APOO: variants seen among roughly 807,000 people sequenced by gnomAD.
APOO encodes the protein MICOS complex subunit MIC26.
APOO carries 11 observed loss-of-function variants against 23.1 expected under a neutral mutation model. The observed-to-expected ratio is 0.48, with a 90% CI of 0.30 to 0.79. APOO has a LOEUF of 0.79. Among genes scored for constraint, APOO ranks in the 30% least tolerant of loss-of-function variants. The pLI is 0.07. For missense variants in APOO, 160 were observed against 142.7 expected (o/e 1.12, Z -0.62); for synonymous variants, 59 against 54.8 (o/e 1.08, Z -0.34).
chrX:23,865,282 A>C (rs968327474), intron 5 of APOO, among the ~76,000 whole-genome samples: 1 of 111,249 alleles, frequency 9.0e-6, no homozygotes, highest in Admixed American at 9.7e-5. Context: ...CAACAACTGA[A>C]GCAGACTACC....
intron 5 of APOO, among the ~76,000 whole-genome samples, chrX:23,863,068 T>TAA (rs1265648639): frequency 1.8e-4 from 20 of 112,322 alleles, no homozygotes; most frequent in African/African-American, 6.1e-4. Context: ...GCATGGTGGC[T>TAA]CATGCCTGTA....
chrX:23,887,527 C>T (rs1041105270), intron 1 of APOO, among the ~76,000 whole-genome samples: 5 of 110,234 alleles, frequency 4.5e-5, no homozygotes, highest in African/African-American at 9.9e-5. Context: ...CCACTGTGCC[C>T]GGCCTCCCCC....
intron 1 of APOO, chrX:23,883,908 C>T (rs1926254954): frequency 8.9e-6 from 1 of 112,108 alleles, no homozygotes; most frequent in African/African-American, 3.2e-5. Flanking sequence ...AGGGAAATTC[C>T]CCTTGTTTCA....
chrX:23,859,145 C>A (rs1226182054), intron 5 of APOO, among the ~76,000 whole-genome samples: 1 of 111,476 alleles, frequency 9.0e-6, no homozygotes, highest in Non-Finnish European at 1.9e-5. Context: ...AACCCCACCA[C>A]TGAATAAGAT....
chrX:23,841,664 T>C (rs945018649), intron 7 of APOO, among the ~76,000 whole-genome samples: 1 of 109,132 alleles, frequency 9.2e-6, no homozygotes, highest in Non-Finnish European at 1.9e-5. Flanking sequence ...GCTACAGGAC[T>C]GAGAATCTGT....
intron 1 of APOO, among the ~76,000 whole-genome samples, chrX:23,892,382 G>C (rs760015745): frequency 1.5e-3 from 164 of 109,828 alleles, no homozygotes; most frequent in African/African-American, 4.9e-3. Context: ...AGCCTCCCAA[G>C]TAGCTGGCAT....
chrX:23,877,411 T>C (rs778087585), intron 3 of APOO, among the ~76,000 whole-genome samples: 9 of 112,361 alleles, frequency 8.0e-5, no homozygotes, highest in Admixed American at 7.6e-4. Flanking sequence ...TCTTTCTAAA[T>C]TGGTGAACAA....
At chrX:23,852,373 C>T (rs1924579533) in intron 7 of APOO, among the ~76,000 whole-genome samples, 1 of 110,271 alleles carries the variant, frequency 9.1e-6, no homozygotes, top group Admixed American at 9.7e-5. Context: ...CCGAGGCGGG[C>T]AGATCACGAG....
chrX:23,842,326 C>T (rs769822831), intron 7 of APOO, among the ~76,000 whole-genome samples: 3 of 111,533 alleles, frequency 2.7e-5, no homozygotes, highest in African/African-American at 9.7e-5. Context: ...GAGGTTGAGG[C>T]TGCAGTAAGC....
intron 1 of APOO, among the ~76,000 whole-genome samples, chrX:23,899,355 G>C (rs1927035378): frequency 8.9e-6 from 1 of 112,160 alleles, no homozygotes; most frequent in Admixed American, 9.5e-5. Context: ...CTACATTCCT[G>C]CTTCTCCAAG....
At chrX:23,873,902 T>G (rs1015473737) in intron 4 of APOO, among the ~76,000 whole-genome samples, 7 of 111,408 alleles carry the variant, frequency 6.3e-5, no homozygotes, top group Non-Finnish European at 1.1e-4. Context: ...TGTGAGTGTA[T>G]GTGATAAGTG....
In APOO at chrX:23,868,206, A is replaced by T. The variant is rs1370256642; in HGVS notation, c.388+387T>A. On this transcript the variant is annotated intron_variant, in intron 5 of 8. Transcript: ENST00000379226. ...GTCATCACTGACTGAAGGCATGACA[A>T]ATCAAGAAGGTAATAAAATCTCTAT... Among the ~76,000 whole-genome samples, 3 of 112,210 alleles carry T rather than the reference A, an allele frequency of 2.7e-5. No homozygotes were observed. In the Admixed American group the frequency reaches 2.9e-4, roughly 11 times the overall value.
intron 6 of APOO, among the ~76,000 whole-genome samples, chrX:23,856,608 G>A (rs1042500711): frequency 1.8e-5 from 2 of 108,936 alleles, no homozygotes; most frequent in South Asian, 4.0e-4. Context: ...AGGCTGGAGT[G>A]GAATGGCGCA....
At chrX:23,890,114 A>G (rs1421854710) in intron 1 of APOO, among the ~76,000 whole-genome samples, 1 of 112,038 alleles carries the variant, frequency 8.9e-6, no homozygotes, top group East Asian at 2.8e-4. Context: ...CAGTTATTCA[A>G]CTTAAGTTTG....
chrX:23,867,986 T>C (rs186330516), intron 5 of APOO, among the ~76,000 whole-genome samples: 4 of 112,495 alleles, frequency 3.6e-5, no homozygotes, highest in South Asian at 3.6e-4. Flanking sequence ...TTAGGAATGA[T>C]GGTAATGTCA....
chrX:23,857,229 G>A (rs748338588), intron 6 of APOO, among the ~76,000 whole-genome samples: 47 of 94,915 alleles, frequency 5.0e-4, no homozygotes, highest in African/African-American at 2.0e-3. Flanking sequence ...TACACCTAAC[G>A]CTAAAAGTTA....
intron 1 of APOO, among the ~76,000 whole-genome samples, chrX:23,889,985 T>C (rs1190582388): frequency 9.0e-6 from 1 of 111,237 alleles, no homozygotes; most frequent in Non-Finnish European, 1.9e-5. Context: ...TTTAAAAGCA[T>C]AGATTCTAAC....
At chrX:23,898,605 G>A (rs1385256230) in intron 1 of APOO, among the ~76,000 whole-genome samples, 1 of 111,719 alleles carries the variant, frequency 9.0e-6, no homozygotes, top group African/African-American at 3.3e-5. Context: ...ATGAAAATCT[G>A]TGCAAAAATA....
chrX:23,895,070 A>G (rs1477232966), intron 1 of APOO, among the ~76,000 whole-genome samples: 2 of 109,795 alleles, frequency 1.8e-5, no homozygotes, highest in African/African-American at 3.3e-5. Context: ...CCCAGGAGGC[A>G]AAAGGCTGCA....
Sources: gnomAD v4.1 joint callset for allele counts (sites outside exome capture counted in the v4.1 genomes callset) on GRCh38, gnomAD v4.1.1 for gene constraint, MANE v1.5 for transcripts, NCBI Gene and HGNC (gene_info 2026-07-23, HGNC 2026-07-21) for gene names.